DTWD1: variants seen among roughly 807,000 people sequenced by gnomAD.
The protein encoded by DTWD1 is tRNA-uridine aminocarboxypropyltransferase 1.
A neutral mutation model predicts 30.2 loss-of-function variants in DTWD1; 27 were observed. The ratio of observed to expected loss-of-function variants is 0.90; its 90% CI spans 0.66 to 1.23. The LOEUF is 1.23. Among genes scored for constraint, DTWD1 ranks in the 50% most tolerant of loss-of-function variants. DTWD1 has a pLI of 0.00. For synonymous variants in DTWD1, 99 were observed against 113.1 expected, an observed-to-expected ratio of 0.88 and a Z score of 0.79; for missense variants, 342 against 348.8, an observed-to-expected ratio of 0.98 and a Z score of 0.15.
intron 2 of DTWD1, chr15:49,630,963 C>A: frequency 2.2e-6 from 1 of 446,454 alleles, no homozygotes. Context: ...TAGGAGAATC[C>A]AATGCCTGAA....
At chr15:49,641,270 T>C (rs1007524997) in intron 4 of DTWD1, among the ~76,000 whole-genome samples, 1 of 151,996 alleles carries the variant, frequency 6.6e-6, no homozygotes, top group South Asian at 2.1e-4. Context: ...TTTGTTTCTT[T>C]TTTTGATTGA....
At chr15:49,634,843 G>GA (rs2078980533) in intron 4 of DTWD1, 49 bp downstream of exon 4, 1 of 1,497,088 alleles carries the variant, frequency 6.7e-7, no homozygotes, top group Non-Finnish European at 8.9e-7. Context: ...GACTTATTTT[G>GA]AAAAAACTTC....
chr15:49,634,763 A>G lies in DTWD1; in HGVS notation c.636A>G (p.Thr212=). The part of the protein sequence containing the change: ...IIFIDSTWNQ[T]NKIFTDERLQ... ...TTATAGATAGCACCTGGAACCAAAC[A>G]AACAAAATATTCACTGATGAGCGAC... The change falls in exon 4 of 5, where the codon ACA becomes ACG. Residue 212 remains threonine, a synonymous_variant. Coordinates refer to ENST00000403028, the MANE Select transcript of DTWD1 (RefSeq NM_001144955.2). 1 of 1,591,532 alleles carries G rather than the reference A, an allele frequency of 6.3e-7. No homozygotes were observed. Among genetic ancestry groups the G allele is most frequent in the East Asian group, 2.3e-5 (1 of 44,356 alleles).
At chr15:49,626,638 AAAT>A in intron 2 of DTWD1, 1 of 331,960 alleles carries the variant, frequency 3.0e-6, no homozygotes, top group Non-Finnish European at 6.3e-6. Flanking sequence ...AGTAAAAAAA[AAAT>A]AAGTTGTAGC....
chr15:49,624,147 G>C (rs549104868), intron 1 of DTWD1, among the ~76,000 whole-genome samples: 28 of 152,068 alleles, frequency 1.8e-4, no homozygotes, highest in South Asian at 8.3e-4. Context: ...ATGTTTCTCT[G>C]GACTTTTTGT....
At position 49,643,064 on chromosome 15, in the gene DTWD1, A is replaced by C. The variant is rs564575765; in HGVS notation, c.668-267A>C. Among the ~76,000 whole-genome samples, 159 of 152,252 alleles carry C rather than the reference A, an allele frequency of 1.0e-3. 1 individual carries two copies. Among genetic ancestry groups the C allele is most frequent in the Non-Finnish European group, 9.0e-4 (61 of 68,000 alleles). ...GACATGAATATCTTAAATGTTAACT[A>C]CTTTTAATTCATTGGTCTAAGACTC... On this transcript the variant is annotated intron_variant, in intron 4 of 4. Transcript: ENST00000403028.
rs1567739045 is a variant in DTWD1 at position 49,632,764 on chromosome 15, C to CTGCTCAG, written c.408+463_408+469dup. On this transcript the variant is annotated intron_variant, in intron 3 of 4. Coordinates refer to ENST00000403028, the MANE Select transcript of DTWD1 (RefSeq NM_001144955.2). The stretch of plus-strand genomic sequence containing the variant: ...ATAGCCTTTATAACATTTCTTTTGG[C>CTGCTCAG]TGCTCAGAGGCCTTCCTTGCTCATT... Among the ~76,000 whole-genome samples the CTGCTCAG allele has an allele frequency of 1.4e-4, 22 of 152,274 alleles. No individual in the cohort carries two copies. The South Asian group carries it at 4.6e-3, about 32-fold the overall frequency.
intron 1 of DTWD1, among the ~76,000 whole-genome samples, chr15:49,624,829 A>G (rs1490123630): frequency 6.6e-6 from 1 of 152,216 alleles, no homozygotes; most frequent in African/African-American, 2.4e-5. Flanking sequence ...CTAACGTGAA[A>G]CCATTGCATT....
chr15:49,655,253 T>G lies in DTWD1; in HGVS notation c.*11675T>G, dbSNP rs2079171667. ...CTGGAGCTGAAGAACCACCAGCCAG[T>G]ACACAGAAATGAGAAATTTTAAAAT... is the stretch of plus-strand genomic sequence containing the variant. On this transcript the variant is annotated 3_prime_UTR_variant, in exon 5 of 5. Coordinates refer to ENST00000403028, the MANE Select transcript of DTWD1 (RefSeq NM_001144955.2). The G allele has an allele frequency of 6.6e-6, 1 of 152,230 alleles. No individual in the cohort carries two copies. Among genetic ancestry groups the G allele is most frequent in the South Asian group, 2.1e-4 (1 of 4,830 alleles). 9.4% of individuals were successfully genotyped at this position (152,230 alleles called of 1,614,324 possible).
chr15:49,623,003 T>C (rs2078788918), intron 1 of DTWD1, among the ~76,000 whole-genome samples: 1 of 152,230 alleles, frequency 6.6e-6, no homozygotes, highest in Admixed American at 6.5e-5. Flanking sequence ...CTGAGGTATC[T>C]CTAGGAGGAA....
At position 49,652,915 on chromosome 15, in the gene DTWD1, T is replaced by C. The variant is rs1417940821; in HGVS notation, c.*9337T>C. ...CAGAAGGACACTGTGCTTGAGGTCATACCCTTCCCATGTCTGGTGACTGAA... is the reference window on the plus strand; with the variant it reads ...CAGAAGGACACTGTGCTTGAGGTCACACCCTTCCCATGTCTGGTGACTGAA... On this transcript the variant is annotated 3_prime_UTR_variant, in exon 5 of 5. Coordinates refer to ENST00000403028, the MANE Select transcript of DTWD1 (RefSeq NM_001144955.2). 1 of 152,158 alleles carries C rather than the reference T, an allele frequency of 6.6e-6. No homozygotes were observed. The highest frequency in any genetic ancestry group is 1.5e-5 in the Non-Finnish European group (1 of 68,006). The allele number at this position is 152,158 out of a possible 1,614,324, so 9.4% of individuals were successfully genotyped here.
intron 2 of DTWD1, chr15:49,631,912 A>T: frequency 2.2e-6 from 1 of 448,378 alleles, no homozygotes; most frequent in South Asian, 2.8e-5. Flanking sequence ...GCTTTGCTTT[A>T]AGAGAAGATT....
chr15:49,627,236 T>C (rs1051807632), intron 2 of DTWD1, among the ~76,000 whole-genome samples: 1 of 152,196 alleles, frequency 6.6e-6, no homozygotes, highest in Admixed American at 6.5e-5. Flanking sequence ...TGCAGAGTTT[T>C]CTAAAGTGTT....
At chr15:49,629,771 AATTGGGCCTAACTTATAAATGATC>A (rs1416612595) in intron 2 of DTWD1, 1 of 152,214 alleles carries the variant, frequency 6.6e-6, no homozygotes, top group African/African-American at 2.4e-5. Context: ...GATTAGAAGC[AATTGGGCCTAACTTATAAATGATC>A]ATTGGGCCTA....
intron 2 of DTWD1, chr15:49,631,130 A>G: frequency 4.8e-6 from 1 of 206,892 alleles, no homozygotes; most frequent in East Asian, 1.4e-4. Context: ...AATAAGTGTA[A>G]TGTGCTTGAA....
chr15:49,647,709 A>T lies in DTWD1; in HGVS notation c.*4131A>T, dbSNP rs551490253. The T allele has an allele frequency of 3.3e-5, 5 of 152,246 alleles. No homozygotes were observed. The South Asian group carries it at 1.0e-3, about 32-fold the overall frequency. 9.4% of individuals were successfully genotyped at this position (152,246 alleles called of 1,614,324 possible). On this transcript the variant is annotated 3_prime_UTR_variant, in exon 5 of 5. Coordinates refer to ENST00000403028, the MANE Select transcript of DTWD1 (RefSeq NM_001144955.2). ...ATCACCACCCATACATAAGAGCCAA[A>T]CATCACTAGACACTTGGTGAAATCC...
intron 1 of DTWD1, among the ~76,000 whole-genome samples, chr15:49,621,965 T>C (rs73406033): frequency 0.027 from 4,142 of 152,220 alleles, 194 homozygotes; most frequent in African/African-American, 0.096. Context: ...AGTGTTCCAT[T>C]GGGAGGTGAG....
chr15:49,642,698 C>A (rs1045812485), intron 4 of DTWD1, among the ~76,000 whole-genome samples: 2 of 152,030 alleles, frequency 1.3e-5, no homozygotes, highest in Non-Finnish European at 2.9e-5. Context: ...GCAGGAGGAT[C>A]ACTTGAGCCC....
In DTWD1 at chr15:49,633,322, T is replaced by C. The variant is rs929086094; in HGVS notation, c.408+1020T>C. Among the ~76,000 whole-genome samples the C allele has an allele frequency of 2.0e-5, 3 of 152,156 alleles. No individual in the cohort carries two copies. The East Asian group carries it at 5.8e-4, about 29-fold the overall frequency. On this transcript the variant is annotated intron_variant, in intron 3 of 4. Transcript: ENST00000403028. ...ATGAATATTTAAAAACTTTTACAAC[T>C]TTGAAATGTATAAAATTCAAGGTTT...
Sources: gnomAD v4.1 joint callset for allele counts (sites outside exome capture counted in the v4.1 genomes callset) on GRCh38, gnomAD v4.1.1 for gene constraint, MANE v1.5 for transcripts, NCBI Gene and HGNC (gene_info 2026-07-23, HGNC 2026-07-21) for gene names.